The following NOS1AP variants were observed in gnomAD, a reference collection of about 807,000 sequenced individuals.
NOS1AP encodes the protein carboxyl-terminal PDZ ligand of neuronal nitric oxide synthase protein.
Under a neutral mutation model 56.2 loss-of-function variants are expected in NOS1AP, and 21 were observed. The observed-to-expected ratio is 0.37, with a 90% CI of 0.26 to 0.54. The LOEUF (loss-of-function observed/expected upper bound fraction) is 0.54. Among genes scored for constraint, NOS1AP ranks in the 20% least tolerant of loss-of-function variants. NOS1AP has a pLI of 0.84. For missense variants in NOS1AP, 522 were observed against 657.8 expected (o/e 0.79, Z 2.26); for synonymous variants, 270 against 274.6 (o/e 0.98, Z 0.17).
intron 1 of NOS1AP, among the ~76,000 whole-genome samples, chr1:162,127,145 T>C (rs1648524145): frequency 6.6e-6 from 1 of 152,204 alleles, no homozygotes; most frequent in Non-Finnish European, 1.5e-5. Flanking sequence ...CTTCTCAAAA[T>C]TTAGGAGCTT....
chr1:162,249,494 A>G (rs540974364), intron 2 of NOS1AP, among the ~76,000 whole-genome samples: 5 of 152,292 alleles, frequency 3.3e-5, no homozygotes, highest in East Asian at 3.9e-4. Context: ...TGTTACTTCA[A>G]TGAAAGCAGA....
In NOS1AP at chr1:162,366,172, T is replaced by C. The variant is rs141783011; in HGVS notation, c.1105+603T>C. On this transcript the variant is annotated intron_variant, in intron 9 of 9. Coordinates refer to ENST00000361897, the MANE Select transcript of NOS1AP (RefSeq NM_014697.3). ...ACCCCTGGGCTGGGCTGGGCAGCTG[T>C]AGATCGCAACACATTTTCACGCCTT... 1.9e-3 allele frequency among the ~76,000 whole-genome samples: 286 copies of C among 152,334 alleles called. 5 individuals are homozygous for C. The South Asian group carries it at 0.035, about 19-fold the overall frequency.
chr1:162,110,318 C>G (rs1379096303), intron 1 of NOS1AP, among the ~76,000 whole-genome samples: 2 of 125,704 alleles, frequency 1.6e-5, no homozygotes, highest in Admixed American at 7.0e-5. Flanking sequence ...TTAACATGCC[C>G]AAGGAAATGA....
chr1:162,136,983 G>C (rs1212073398), intron 1 of NOS1AP, among the ~76,000 whole-genome samples: 1 of 152,110 alleles, frequency 6.6e-6, no homozygotes, highest in African/African-American at 2.4e-5. Context: ...AAAGCACCTC[G>C]GACTTGCTCA....
intron 1 of NOS1AP, among the ~76,000 whole-genome samples, chr1:162,115,349 A>G (rs912929118): frequency 2.6e-5 from 4 of 151,746 alleles, no homozygotes; most frequent in Non-Finnish European, 5.9e-5. Context: ...CTCCCTAGCT[A>G]TGTGATGATG....
intron 4 of NOS1AP, among the ~76,000 whole-genome samples, chr1:162,314,967 T>C (rs886659902): frequency 7.9e-5 from 12 of 152,254 alleles, no homozygotes; most frequent in African/African-American, 2.7e-4. Flanking sequence ...GAATGCTTAA[T>C]AAATTTTATT....
At chr1:162,359,309 A>G (rs1657807933) in intron 8 of NOS1AP, among the ~76,000 whole-genome samples, 1 of 152,200 alleles carries the variant, frequency 6.6e-6, no homozygotes, top group Non-Finnish European at 1.5e-5. Context: ...GGAGAGTCTT[A>G]GGCTTCCAAA....
chr1:162,154,916 A>G (rs1279495296), intron 2 of NOS1AP, among the ~76,000 whole-genome samples: 2 of 152,102 alleles, frequency 1.3e-5, no homozygotes, highest in East Asian at 1.9e-4. Flanking sequence ...GGCCTCCCAA[A>G]GTGTTAGGAT....
intron 1 of NOS1AP, among the ~76,000 whole-genome samples, chr1:162,139,561 AGGAG>A (rs1385314364): frequency 1.3e-5 from 2 of 152,184 alleles, no homozygotes; most frequent in African/African-American, 4.8e-5. Context: ...TTGTTACGAG[AGGAG>A]GAGAAAGGGA....
intron 2 of NOS1AP, among the ~76,000 whole-genome samples, chr1:162,250,835 A>C (rs747198134): frequency 3.3e-5 from 5 of 152,134 alleles, no homozygotes; most frequent in Non-Finnish European, 5.9e-5. Flanking sequence ...CTTTGTGGAT[A>C]CCATTATCAG....
intron 1 of NOS1AP, among the ~76,000 whole-genome samples, chr1:162,082,104 A>G (rs1691908623): frequency 6.6e-6 from 1 of 151,974 alleles, no homozygotes. Context: ...CTACCCTCTG[A>G]AAGGCCGCAG....
chr1:162,272,441 C>G (rs1236861620), intron 2 of NOS1AP, among the ~76,000 whole-genome samples: 1 of 152,088 alleles, frequency 6.6e-6, no homozygotes, highest in Non-Finnish European at 1.5e-5. Context: ...AGGTGCTGGG[C>G]TGAAGCACAG....
chr1:162,364,047 C>T (rs1657984369), intron 8 of NOS1AP: 2 of 985,298 alleles, frequency 2.0e-6, no homozygotes, highest in African/African-American at 3.5e-5. Flanking sequence ...ACACCCTGGG[C>T]CAGCAAGTCA....
intron 1 of NOS1AP, among the ~76,000 whole-genome samples, chr1:162,075,025 C>CA (rs1691739093): frequency 1.3e-5 from 2 of 152,166 alleles, no homozygotes; most frequent in Non-Finnish European, 2.9e-5. Flanking sequence ...GAGACATAAG[C>CA]CCTACTTCTT....
At chr1:162,299,286 G>A (rs762947939) in intron 3 of NOS1AP, among the ~76,000 whole-genome samples, 39 of 145,944 alleles carry the variant, frequency 2.7e-4, no homozygotes, top group Non-Finnish European at 1.1e-4. Flanking sequence ...TATGTGGCTG[G>A]AACATTAAAA....
intron 2 of NOS1AP, among the ~76,000 whole-genome samples, chr1:162,211,147 CA>C (rs1254182992): frequency 6.6e-6 from 1 of 152,190 alleles, no homozygotes; most frequent in Non-Finnish European, 1.5e-5. Context: ...AGAGAGCCAG[CA>C]GGCTTCTTGG....
At position 162,293,244 on chromosome 1, in the gene NOS1AP, C is replaced by A. The variant is rs185767560; in HGVS notation, c.270+5808C>A. On this transcript the variant is annotated intron_variant, in intron 3 of 9. Transcript: ENST00000361897. ...GCCTTTGCAATTTTTTTTTGAGTCA[C>A]CGCTGCTATTAGGTGCTTGAATAAT... Among the ~76,000 whole-genome samples, 368 of 146,098 alleles carry A rather than the reference C, an allele frequency of 2.5e-3. 3 individuals carry two copies. The highest frequency in any genetic ancestry group is 2.2e-3 in the Non-Finnish European group (140 of 64,030).
chr1:162,259,484 G>A (rs1361893825), intron 2 of NOS1AP, among the ~76,000 whole-genome samples: 5 of 151,950 alleles, frequency 3.3e-5, no homozygotes, highest in African/African-American at 4.8e-5. Flanking sequence ...GTTTGACTTT[G>A]CCATTCTATA....
At chr1:162,259,804 G>A (rs530671728) in intron 2 of NOS1AP, among the ~76,000 whole-genome samples, 1 of 152,220 alleles carries the variant, frequency 6.6e-6, no homozygotes, top group Admixed American at 6.5e-5. Flanking sequence ...CTTACATAAG[G>A]TAGAGTGGAT....
Sources: gnomAD v4.1 joint callset for allele counts (sites outside exome capture counted in the v4.1 genomes callset) on GRCh38, gnomAD v4.1.1 for gene constraint, MANE v1.5 for transcripts, NCBI Gene and HGNC (gene_info 2026-07-23, HGNC 2026-07-21) for gene names.